Variants in BMAL1 observed in about 807,000 individuals in gnomAD.
BMAL1 encodes the protein basic helix-loop-helix ARNT-like protein 1.
At chr11:13,381,551 A>G in the BMAL1 span, among the ~76,000 whole-genome samples, 2 of 152,226 alleles carry the variant, frequency 1.3e-5, no homozygotes, top group Non-Finnish European at 2.9e-5. Flanking sequence ...CATGAGGGAA[A>G]GATTATTGAG....
At chr11:13,284,904 C>A in the BMAL1 span, among the ~76,000 whole-genome samples, 1 of 152,116 alleles carries the variant, frequency 6.6e-6, no homozygotes, top group African/African-American at 2.4e-5. Context: ...CCCTGCTTCC[C>A]CGCTCAACCT....
the BMAL1 span, among the ~76,000 whole-genome samples, chr11:13,370,787 ATTG>A: frequency 2.6e-5 from 4 of 152,126 alleles, no homozygotes; most frequent in South Asian, 2.1e-4. Context: ...AGTGTTCCCT[ATTG>A]TTCTTGAAGA....
At chr11:13,322,377 G>A in the BMAL1 span, among the ~76,000 whole-genome samples, 1 of 152,074 alleles carries the variant, frequency 6.6e-6, no homozygotes, top group Non-Finnish European at 1.5e-5. Context: ...TTTTTGTTAA[G>A]AAACTCCTCA....
At chr11:13,343,551 G>C in the BMAL1 span, among the ~76,000 whole-genome samples, 1 of 152,164 alleles carries the variant, frequency 6.6e-6, no homozygotes, top group African/African-American at 2.4e-5. Context: ...TGTGGCCTGT[G>C]CCTCCACTTC....
At chr11:13,322,024 A>G in the BMAL1 span, among the ~76,000 whole-genome samples, 2 of 152,146 alleles carry the variant, frequency 1.3e-5, no homozygotes, top group South Asian at 2.1e-4. Context: ...TGTTATCACC[A>G]TGTGAGGCTG....
the BMAL1 span, among the ~76,000 whole-genome samples, chr11:13,321,739 A>G: frequency 6.6e-6 from 1 of 152,024 alleles, no homozygotes; most frequent in Non-Finnish European, 1.5e-5. Flanking sequence ...CTTTCCTCTC[A>G]ACTTTTATTT....
the BMAL1 span, among the ~76,000 whole-genome samples, chr11:13,281,068 T>C: frequency 6.6e-6 from 1 of 152,182 alleles, no homozygotes; most frequent in East Asian, 1.9e-4. Flanking sequence ...TTAAGGGAGA[T>C]GGTGCATGTA....
At chr11:13,333,258 C>T in the BMAL1 span, among the ~76,000 whole-genome samples, 33 of 152,282 alleles carry the variant, frequency 2.2e-4, no homozygotes, top group African/African-American at 7.5e-4. Context: ...TGATCCACTG[C>T]GCCCGGCCAA....
At chr11:13,369,602 G>C in the BMAL1 span, 645 of 1,613,652 alleles carry the variant, frequency 4.0e-4, 3 homozygotes, top group African/African-American at 7.3e-3. Flanking sequence ...ATCACATTTT[G>C]TGTATTGATT....
chr11:13,351,689 C>T, the BMAL1 span, among the ~76,000 whole-genome samples: 8 of 152,114 alleles, frequency 5.3e-5, no homozygotes, highest in East Asian at 1.9e-4. Context: ...GAAGGAGTCC[C>T]GTGAGAAGGG....
chr11:13,327,261 A>G, the BMAL1 span, among the ~76,000 whole-genome samples: 1 of 152,136 alleles, frequency 6.6e-6, no homozygotes. Context: ...AAAAATAAAA[A>G]TTAAATGAAA....
At chr11:13,341,202 T>C in the BMAL1 span, among the ~76,000 whole-genome samples, 1 of 152,164 alleles carries the variant, frequency 6.6e-6, no homozygotes, top group African/African-American at 2.4e-5. Context: ...GCCAGCCTGC[T>C]CTGGAGACAC....
chr11:13,339,989 C>A, the BMAL1 span, among the ~76,000 whole-genome samples: 1 of 152,172 alleles, frequency 6.6e-6, no homozygotes, highest in Non-Finnish European at 1.5e-5. Flanking sequence ...AATAAGTGAT[C>A]GTGGGCCAGC....
chr11:13,384,689 G>A, the BMAL1 span, among the ~76,000 whole-genome samples: 2 of 152,144 alleles, frequency 1.3e-5, no homozygotes, highest in Non-Finnish European at 2.9e-5. Context: ...GAATCCAGTT[G>A]AAAATTATTA....
the BMAL1 span, among the ~76,000 whole-genome samples, chr11:13,319,228 T>C: frequency 1.3e-5 from 2 of 152,376 alleles, no homozygotes; most frequent in Non-Finnish European, 2.9e-5. Flanking sequence ...GGTTGTATGT[T>C]AAGTAAATTT....
chr11:13,332,097 G>A, the BMAL1 span, among the ~76,000 whole-genome samples: 1 of 152,198 alleles, frequency 6.6e-6, no homozygotes, highest in East Asian at 1.9e-4. Context: ...ACAGTGACAT[G>A]CTAGGATGTG....
chr11:13,311,608 A>G, the BMAL1 span, among the ~76,000 whole-genome samples: 2 of 152,252 alleles, frequency 1.3e-5, no homozygotes, highest in Non-Finnish European at 2.9e-5. Flanking sequence ...AGGGAGACAC[A>G]TAAGATTTAG....
chr11:13,284,743 T>C, the BMAL1 span, among the ~76,000 whole-genome samples: 1 of 152,092 alleles, frequency 6.6e-6, no homozygotes, highest in Non-Finnish European at 1.5e-5. Flanking sequence ...TTTTGACCAG[T>C]TTTCTGCTCT....
chr11:13,297,746 C>T, the BMAL1 span, among the ~76,000 whole-genome samples: 1 of 152,208 alleles, frequency 6.6e-6, no homozygotes, highest in Non-Finnish European at 1.5e-5. Flanking sequence ...CCCTGCTTTC[C>T]ATCCTAGCTG....
Sources: allele counts gnomAD v4.1 joint callset (sites outside exome capture counted in the v4.1 genomes callset), GRCh38; gene constraint gnomAD v4.1.1; transcripts MANE v1.5; gene names NCBI Gene and HGNC (gene_info 2026-07-23, HGNC 2026-07-21).